SNTG1: variants seen among roughly 807,000 people sequenced by gnomAD.
The protein encoded by SNTG1 is syntrophin gamma 1.
SNTG1 carries 39 observed loss-of-function variants against 74.7 expected under a neutral mutation model. The ratio of observed to expected loss-of-function variants is 0.52; its 90% CI spans 0.40 to 0.68. The LOEUF (loss-of-function observed/expected upper bound fraction) is 0.68. Ranked by LOEUF, SNTG1 falls within the 30% of genes least tolerant of loss-of-function variation. The pLI is 0.00. For missense variants in SNTG1, 685 were observed against 609.5 expected (o/e 1.12, Z -1.30); for synonymous variants, 254 against 217.1 (o/e 1.17, Z -1.49).
At chr8:50,276,391 ATATATATATATATATAT>A (rs1400783079) in intron 2 of SNTG1, among the ~76,000 whole-genome samples, 39 of 39,920 alleles carry the variant, frequency 9.8e-4, no homozygotes, top group East Asian at 5.9e-3. Flanking sequence ...ATATATATAT[ATATATATATATATATAT>A]AAATCATATA....
intron 4 of SNTG1, among the ~76,000 whole-genome samples, chr8:50,437,102 A>G (rs2093311884): frequency 6.6e-6 from 1 of 152,168 alleles, no homozygotes; most frequent in Admixed American, 6.6e-5. Context: ...GTTTGAAAGT[A>G]TGATTGGATG....
At chr8:49,961,427 TG>T (rs1220179165) in intron 1 of SNTG1, among the ~76,000 whole-genome samples, 2 of 152,232 alleles carry the variant, frequency 1.3e-5, no homozygotes, top group Non-Finnish European at 2.9e-5. Context: ...GAAACTTGGA[TG>T]CCTGTTGGAG....
chr8:50,588,213 A>G (rs1317535848), intron 12 of SNTG1, among the ~76,000 whole-genome samples: 1 of 152,208 alleles, frequency 6.6e-6, no homozygotes, highest in Non-Finnish European at 1.5e-5. Context: ...TACTAACAAT[A>G]TAACATTTTA....
intron 1 of SNTG1, among the ~76,000 whole-genome samples, chr8:50,162,980 AG>A (rs781560298): frequency 8.5e-5 from 13 of 152,306 alleles, no homozygotes; most frequent in Admixed American, 3.3e-4. Flanking sequence ...CAGGGCAAAC[AG>A]AAGGGGATGG....
At chr8:50,774,517 A>C (rs1034890390) in intron 18 of SNTG1, among the ~76,000 whole-genome samples, 1 of 151,854 alleles carries the variant, frequency 6.6e-6, no homozygotes, top group Admixed American at 6.6e-5. Flanking sequence ...TCTCCTTCCA[A>C]AGTGGAGGAG....
At chr8:50,482,777 T>G (rs968735627) in intron 8 of SNTG1, among the ~76,000 whole-genome samples, 2 of 152,200 alleles carry the variant, frequency 1.3e-5, no homozygotes, top group African/African-American at 2.4e-5. Flanking sequence ...AAACTATGCC[T>G]AATATATGGC....
chr8:50,668,416 G>GT (rs1055666317), intron 15 of SNTG1, among the ~76,000 whole-genome samples: 19 of 147,260 alleles, frequency 1.3e-4, no homozygotes, highest in Admixed American at 4.8e-4. Context: ...TTCTTGTTTT[G>GT]TTTTTTTTTC....
intron 1 of SNTG1, among the ~76,000 whole-genome samples, chr8:49,989,847 A>C (rs1385365373): frequency 6.6e-6 from 1 of 152,068 alleles, no homozygotes; most frequent in African/African-American, 2.4e-5. Flanking sequence ...AAATCTGTGT[A>C]ATTATAGTAA....
At chr8:50,701,429 T>C (rs2095423154) in intron 15 of SNTG1, among the ~76,000 whole-genome samples, 1 of 152,196 alleles carries the variant, frequency 6.6e-6, no homozygotes, top group South Asian at 2.1e-4. Context: ...ATGCCTGACT[T>C]GGCCCCAGCC....
intron 3 of SNTG1, among the ~76,000 whole-genome samples, chr8:50,398,960 A>G (rs1255030551): frequency 6.6e-6 from 1 of 152,156 alleles, no homozygotes; most frequent in Non-Finnish European, 1.5e-5. Context: ...CATAAGGTAA[A>G]ATAGTTACGA....
chr8:50,702,421 A>G (rs187891820), intron 15 of SNTG1, among the ~76,000 whole-genome samples: 1 of 152,318 alleles, frequency 6.6e-6, no homozygotes, highest in East Asian at 1.9e-4. Flanking sequence ...GCTAAATTCT[A>G]CAACCCTGGA....
intron 10 of SNTG1, among the ~76,000 whole-genome samples, chr8:50,532,963 A>G (rs2094280860): frequency 6.6e-6 from 1 of 152,162 alleles, no homozygotes. Flanking sequence ...ACATGTCCTT[A>G]CTGTATTTTA....
intron 1 of SNTG1, among the ~76,000 whole-genome samples, chr8:49,922,057 T>A (rs1444143582): frequency 6.6e-6 from 1 of 152,058 alleles, no homozygotes; most frequent in African/African-American, 2.4e-5. Context: ...TAAAAGAAAT[T>A]TTGGAGCATG....
chr8:50,212,666 C>A (rs535204459), intron 2 of SNTG1, among the ~76,000 whole-genome samples: 14 of 152,240 alleles, frequency 9.2e-5, no homozygotes, highest in Admixed American at 7.2e-4. Context: ...ACAGTTAATT[C>A]TCATCTCTAG....
At chr8:50,376,404 G>A (rs1307301521) in intron 2 of SNTG1, among the ~76,000 whole-genome samples, 2 of 151,808 alleles carry the variant, frequency 1.3e-5, no homozygotes, top group African/African-American at 2.4e-5. Context: ...TTTTTCACTT[G>A]CATAATGATA....
At position 50,127,901 on chromosome 8, in the gene SNTG1, A is replaced by G. The variant is rs10098968; in HGVS notation, c.-102-44660A>G. On this transcript the variant is annotated intron_variant, in intron 1 of 18. Transcript: ENST00000642720. ...GTCTGCCTCTGAGCAGCCACACACCACTGCATTAAACATGCCTTTTAATAT... is the reference window on the plus strand; with the variant it reads ...GTCTGCCTCTGAGCAGCCACACACCGCTGCATTAAACATGCCTTTTAATAT... Among the ~76,000 whole-genome samples the G allele has an allele frequency of 7.9e-3, 1,207 of 152,230 alleles. 16 individuals carry two copies. Among genetic ancestry groups the G allele is most frequent in the African/African-American group, 0.028 (1,163 of 41,564 alleles).
intron 1 of SNTG1, among the ~76,000 whole-genome samples, chr8:50,125,888 C>T (rs984621827): frequency 6.6e-6 from 1 of 152,154 alleles, no homozygotes; most frequent in Non-Finnish European, 1.5e-5. Flanking sequence ...TGCTAAGTGC[C>T]TGCATATGGA....
rs1034829529 is a variant in SNTG1, at chr8:50,189,643, A to G, written c.-28+17008A>G. 3.9e-5 allele frequency among the ~76,000 whole-genome samples: 6 copies of G among 152,188 alleles called. No homozygotes were observed. The South Asian group carries it at 6.2e-4, about 16-fold the overall frequency. On this transcript the variant is annotated intron_variant, in intron 2 of 18. Transcript: ENST00000642720. Reference sequence around the variant, plus strand: ...GGAAAGTTAACAACATTCAAACTCCAGGTACCAAGTCTGCTGTAAGACCAC... The same window carrying G: ...GGAAAGTTAACAACATTCAAACTCCGGGTACCAAGTCTGCTGTAAGACCAC...
At chr8:49,978,021 T>G (rs1468270891) in intron 1 of SNTG1, among the ~76,000 whole-genome samples, 1 of 152,208 alleles carries the variant, frequency 6.6e-6, no homozygotes, top group Non-Finnish European at 1.5e-5. Context: ...GGATCATTTG[T>G]GAATACCTGC....
Sources: gnomAD v4.1 joint callset for allele counts (sites outside exome capture counted in the v4.1 genomes callset) on GRCh38, gnomAD v4.1.1 for gene constraint, MANE v1.5 for transcripts, NCBI Gene and HGNC (gene_info 2026-07-23, HGNC 2026-07-21) for gene names.